TPP2: variants seen among roughly 807,000 people sequenced by gnomAD.
TPP2 encodes tripeptidyl-peptidase 2.
Under a neutral mutation model 155.9 loss-of-function variants are expected in TPP2, and 34 were observed. That is an observed-to-expected ratio of 0.22 (90% confidence interval 0.17 to 0.29). The LOEUF is 0.29. Among genes scored for constraint, TPP2 ranks in the 10% least tolerant of loss-of-function variants. The pLI, the probability that TPP2 is intolerant of heterozygous loss-of-function variation, is 1.00. For synonymous variants in TPP2, 510 were observed against 529.4 expected (o/e 0.96, Z 0.50); for missense variants, 1,028 against 1,522.3 (o/e 0.68, Z 5.40).
intron 22 of TPP2, 120 bp from the exon 23 acceptor site, chr13:102,649,288 T>C (rs770899587): frequency 1.3e-5 from 19 of 1,456,290 alleles, no homozygotes; most frequent in Non-Finnish European, 1.6e-5. Flanking sequence ...CCTTTGATTT[T>C]TGAAGTCTTA....
chr13:102,649,423 A>G lies in TPP2; in HGVS notation c.2889A>G (p.Ala963=), dbSNP rs534078125. The G allele has an allele frequency of 2.4e-4, 380 of 1,612,712 alleles. 5 individuals carry two copies. In the South Asian group the frequency reaches 3.9e-3, roughly 17 times the overall value. The change falls in exon 23 of 30, where the codon GCA becomes GCG. Residue 963 remains alanine (A), a synonymous_variant. Transcript: ENST00000376052. ...TCTTGTTTAGAATACCTAAAGGGGC[A>G]GGACCTGGATGCTATCTTGCAGGAT... The part of the protein sequence containing the change: ...SLPDDKIPKG[A]GPGCYLAGSL...
intron 29 of TPP2, among the ~76,000 whole-genome samples, chr13:102,676,914 C>T (rs1566379863): frequency 3.3e-5 from 5 of 152,146 alleles, no homozygotes; most frequent in African/African-American, 7.2e-5. Context: ...TAGCTGATTT[C>T]TACAGAAGTT....
intron 27 of TPP2, among the ~76,000 whole-genome samples, chr13:102,671,762 TC>T (rs1252773301): frequency 5.9e-5 from 9 of 152,124 alleles, no homozygotes; most frequent in South Asian, 2.1e-4. Flanking sequence ...AACCTCCGTT[TC>T]CTCTTTGTTA....
At chr13:102,640,508 TC>T in intron 16 of TPP2, 132 bp downstream of exon 16, 1 of 655,842 alleles carries the variant, frequency 1.5e-6, no homozygotes, top group Non-Finnish European at 2.5e-6. Context: ...CCTTAGACTT[TC>T]TGTAAAGTTC....
In TPP2 at chr13:102,604,931, T is replaced by G. The variant is rs775545132; in HGVS notation, c.294+10T>G. The stretch of plus-strand genomic sequence containing the variant: ...AGGAAGAGTGCTTAAGGTGAGACCT[T>G]TTGTCTTCTTTTTGAATTTTTTTTT... On this transcript the variant is annotated intron_variant, in intron 2 of 29. Coordinates refer to ENST00000376052, the MANE Select transcript of TPP2 (RefSeq NM_001330588.2). 2.5e-6 allele frequency: 4 copies of G among 1,597,312 alleles called. 1 individual carries two copies. Among genetic ancestry groups the G allele is most frequent in the Non-Finnish European group, 3.4e-6 (4 of 1,175,876 alleles).
chr13:102,598,400 G>A (rs1879154431), intron 1 of TPP2, among the ~76,000 whole-genome samples: 1 of 152,130 alleles, frequency 6.6e-6, no homozygotes, highest in South Asian at 2.1e-4. Flanking sequence ...GAGTCTGGCC[G>A]AATCTGCTTA....
intron 21 of TPP2, 132 bp from the exon 22 acceptor site, chr13:102,648,775 T>G: frequency 8.2e-7 from 1 of 1,216,400 alleles, no homozygotes; most frequent in Non-Finnish European, 1.1e-6. Flanking sequence ...GTCTGGATAG[T>G]TAGTTCCTTG....
At chr13:102,600,375 A>G (rs1342415072) in intron 1 of TPP2, among the ~76,000 whole-genome samples, 1 of 152,058 alleles carries the variant, frequency 6.6e-6, no homozygotes, top group Admixed American at 6.5e-5. Context: ...AAATCAACTG[A>G]TTTAATTCTG....
At chr13:102,635,512 A>T in intron 11 of TPP2, 75 bp from the exon 12 acceptor site, 2 of 1,029,610 alleles carry the variant, frequency 1.9e-6, no homozygotes, top group South Asian at 2.7e-5. Flanking sequence ...TCTACAGGTG[A>T]TCGATCATAC....
rs1479999093 is a variant in TPP2, at chr13:102,678,766, A to G, written c.*450A>G. On this transcript the variant is annotated 3_prime_UTR_variant, in exon 30 of 30. Coordinates refer to ENST00000376052, the MANE Select transcript of TPP2 (RefSeq NM_001330588.2). ...CGTAGCTAAAATTATTTATTGGACT[A>G]AAAACTAACAGAACTTCATTTCCAG... 2.0e-5 allele frequency: 3 copies of G among 151,838 alleles called. No homozygotes were observed. Among genetic ancestry groups the G allele is most frequent in the African/African-American group, 4.9e-5 (2 of 41,118 alleles). 9.4% of individuals were successfully genotyped at this position (151,838 alleles called of 1,614,324 possible).
Position 102,624,839 on chromosome 13 carries a change from A to AT in TPP2, c.784+1810dup, listed in dbSNP as rs67717673. Reference sequence around the variant, plus strand: ...GTTGGATATGGTAAACATGTACTTAATTTTTTTTTTTCCTTTTTTTTTTTT... The same window carrying AT: ...GTTGGATATGGTAAACATGTACTTAATTTTTTTTTTTTCCTTTTTTTTTTTT... On this transcript the variant is annotated intron_variant, in intron 6 of 29. Transcript: ENST00000376052. 1.0e-4 allele frequency among the ~76,000 whole-genome samples: 13 copies of AT among 124,156 alleles called. No individual in the cohort carries two copies. The South Asian group carries it at 1.8e-3, about 17-fold the overall frequency. The allele number at this position is 124,156 out of a possible 152,430, so 81.5% of individuals were successfully genotyped here.
intron 27 of TPP2, among the ~76,000 whole-genome samples, chr13:102,670,292 A>G (rs1884886956): frequency 1.3e-5 from 2 of 152,164 alleles, no homozygotes; most frequent in African/African-American, 4.8e-5. Flanking sequence ...AGAGAGTGCT[A>G]TTTGCAGGTC....
rs1770769333 is a variant in TPP2, at chr13:102,629,503, T to C, written c.1038T>C (p.Asn346=). The change falls in exon 9 of 30, where the codon AAT becomes AAC. Residue 346 remains asparagine (N), a synonymous_variant. Coordinates refer to ENST00000376052, the MANE Select transcript of TPP2 (RefSeq NM_001330588.2). ...PNSGRICEVI[N]EAVWKHNIIY... is the part of the protein sequence containing the mutation. ...TCAGGAGAATTTGTGAAGTAATTAATGAAGCAGTATGGAAGCATAATATAA... is the reference window on the plus strand; with the variant it reads ...TCAGGAGAATTTGTGAAGTAATTAACGAAGCAGTATGGAAGCATAATATAA... The C allele has an allele frequency of 4.0e-6, 6 of 1,504,152 alleles. No homozygotes were observed. The highest frequency in any genetic ancestry group is 5.3e-6 in the Non-Finnish European group (6 of 1,135,536). The allele number at this position is 1,504,152 out of a possible 1,614,324, so 93.2% of individuals were successfully genotyped here.
Position 102,636,313 on chromosome 13 carries a change from C to T in TPP2, c.1599C>T (p.Ile533=), listed in dbSNP as rs34833104. ...FTVTVGNNRG[I]YLRDPVQVAA... is the part of the protein sequence containing the mutation. ...TTACTGTTGGAAATAACCGTGGCAT[C>T]TACCTCCGAGATCCTGTTCAGGTGG... is the stretch of plus-strand genomic sequence containing the variant. The change falls in exon 13 of 30, where the codon ATC becomes ATT. Residue 533 remains isoleucine (I), a synonymous_variant. Coordinates refer to ENST00000376052, the MANE Select transcript of TPP2 (RefSeq NM_001330588.2). 1.2e-6 allele frequency: 2 copies of T among 1,613,836 alleles called. No individual in the cohort carries two copies. Among genetic ancestry groups the T allele is most frequent in the Non-Finnish European group, 1.7e-6 (2 of 1,179,936 alleles).
intron 11 of TPP2, 49 bp downstream of exon 11, chr13:102,634,147 G>A (rs1459596198): frequency 6.2e-7 from 1 of 1,605,252 alleles, no homozygotes; most frequent in Non-Finnish European, 8.5e-7. Context: ...CAATATTTTT[G>A]TTTTCTGAAG....
chr13:102,619,205 T>C (rs1016093577), intron 5 of TPP2, among the ~76,000 whole-genome samples: 3 of 152,204 alleles, frequency 2.0e-5, no homozygotes, highest in Admixed American at 6.5e-5. Context: ...TAGTAAGCAA[T>C]CAATGTACGC....
At chr13:102,626,662 G>T (rs1186573303) in intron 6 of TPP2, among the ~76,000 whole-genome samples, 1 of 152,068 alleles carries the variant, frequency 6.6e-6, no homozygotes, top group Non-Finnish European at 1.5e-5. Context: ...ATCTTTTTGT[G>T]GCTTAATTTG....
At chr13:102,642,775 A>C (rs576810172) in intron 16 of TPP2, among the ~76,000 whole-genome samples, 1 of 152,334 alleles carries the variant, frequency 6.6e-6, no homozygotes, top group East Asian at 1.9e-4. Context: ...TAGACCAAGA[A>C]GAGAGATTAG....
chr13:102,616,701 A>G (rs1199105833), intron 4 of TPP2, among the ~76,000 whole-genome samples: 3 of 152,246 alleles, frequency 2.0e-5, no homozygotes, highest in African/African-American at 7.2e-5. Context: ...TTTAACACAT[A>G]ATACACGTAG....
Sources: gnomAD v4.1 joint callset for allele counts (sites outside exome capture counted in the v4.1 genomes callset) on GRCh38, gnomAD v4.1.1 for gene constraint, MANE v1.5 for transcripts, NCBI Gene and HGNC (gene_info 2026-07-23, HGNC 2026-07-21) for gene names.